The following SLC4A10 variants were observed in gnomAD, a reference collection of about 807,000 sequenced individuals.
The protein encoded by SLC4A10 is solute carrier family 4 member 10, also known as sodium-driven chloride bicarbonate exchanger.
A neutral mutation model predicts 137.7 loss-of-function variants in SLC4A10; 42 were observed. The ratio of observed to expected loss-of-function variants is 0.30; its 90% CI spans 0.24 to 0.39. The LOEUF (loss-of-function observed/expected upper bound fraction) is 0.39. Ranked by LOEUF, SLC4A10 falls within the 10% of genes least tolerant of loss-of-function variation. The pLI, the probability that SLC4A10 is intolerant of heterozygous loss-of-function variation, is 1.00. For missense variants in SLC4A10, 925 were observed against 1,355.0 expected (o/e 0.68, Z 4.98); for synonymous variants, 474 against 464.1 (o/e 1.02, Z -0.27).
chr2:161,838,080 A>T (rs879740545), intron 3 of SLC4A10, among the ~76,000 whole-genome samples: 2 of 152,218 alleles, frequency 1.3e-5, no homozygotes, highest in Admixed American at 1.3e-4. Flanking sequence ...GTACTTTGTT[A>T]TAGTATCCTG....
At chr2:161,651,891 A>T in intron 1 of SLC4A10, among the ~76,000 whole-genome samples, 1 of 152,182 alleles carries the variant, frequency 6.6e-6, no homozygotes, top group East Asian at 1.9e-4. Flanking sequence ...AGTGGGCAGA[A>T]TGATCCCAGT....
chr2:161,893,657 GC>G (rs1428745069), intron 10 of SLC4A10, among the ~76,000 whole-genome samples: 1 of 151,914 alleles, frequency 6.6e-6, no homozygotes, highest in African/African-American at 2.4e-5. Context: ...GTATGACTGT[GC>G]CACTGCATTC....
chr2:161,646,923 G>A (rs1282399440), intron 1 of SLC4A10, among the ~76,000 whole-genome samples: 2 of 151,892 alleles, frequency 1.3e-5, no homozygotes, highest in Non-Finnish European at 2.9e-5. Context: ...CATTATCTTA[G>A]TTACGAAGAG....
chr2:161,778,353 C>A (rs187652892), intron 2 of SLC4A10, among the ~76,000 whole-genome samples: 1 of 151,868 alleles, frequency 6.6e-6, no homozygotes, highest in East Asian at 1.9e-4. Flanking sequence ...AAGTTTATGC[C>A]TTTTCTTATA....
chr2:161,949,184 A>G lies in SLC4A10; in HGVS notation c.2302A>G (p.Thr768Ala), dbSNP rs1163548812. ...AGTGAGTGACTTTGCTGTCTTTCTT[A>G]CAATTCTGTGTATGGTTTTAATTGA... ...SIVSDFAVFLTILCMVLIDYA... is the reference protein window; with the variant it reads ...SIVSDFAVFLAILCMVLIDYA... The change falls in exon 18 of 27, where the codon ACA becomes GCA. Residue 768 changes from threonine to alanine, a missense_variant. By Grantham distance (58) the Thr-to-Ala change is moderately conservative (BLOSUM62 0). Coordinates refer to ENST00000446997, the MANE Select transcript of SLC4A10 (RefSeq NM_001178015.2). The G allele has an allele frequency of 1.2e-6, 2 of 1,610,998 alleles. No homozygotes were observed. Among genetic ancestry groups the G allele is most frequent in the African/African-American group, 2.7e-5 (2 of 74,752 alleles).
chr2:161,863,199 G>A (rs2060533115), intron 6 of SLC4A10, 137 bp downstream of exon 6: 4 of 817,932 alleles, frequency 4.9e-6, no homozygotes, highest in African/African-American at 1.7e-5. Context: ...CTTTTCACAT[G>A]AGTATATATT....
intron 3 of SLC4A10, among the ~76,000 whole-genome samples, chr2:161,835,691 G>A (rs890685724): frequency 6.6e-6 from 1 of 152,154 alleles, no homozygotes; most frequent in Non-Finnish European, 1.5e-5. Context: ...ATGGACTAAC[G>A]TTTTTATGGA....
chr2:161,951,242 C>T (rs1694752780), intron 19 of SLC4A10, among the ~76,000 whole-genome samples: 1 of 152,136 alleles, frequency 6.6e-6, no homozygotes, highest in African/African-American at 2.4e-5. Context: ...AATTCATTAT[C>T]AGAATAAATT....
intron 1 of SLC4A10, among the ~76,000 whole-genome samples, chr2:161,728,082 T>C (rs1189914888): frequency 6.6e-6 from 1 of 152,170 alleles, no homozygotes; most frequent in Non-Finnish European, 1.5e-5. Flanking sequence ...AATATTACTA[T>C]AGACTCTCCA....
At chr2:161,888,299 A>G (rs2126005347) in intron 10 of SLC4A10, among the ~76,000 whole-genome samples, 1 of 152,216 alleles carries the variant, frequency 6.6e-6, no homozygotes, top group East Asian at 1.9e-4. Flanking sequence ...TCCATATGAA[A>G]TTTAAAGTCG....
chr2:161,711,357 G>A (rs1174229215), intron 1 of SLC4A10, among the ~76,000 whole-genome samples: 1 of 151,720 alleles, frequency 6.6e-6, no homozygotes, highest in Admixed American at 6.6e-5. Flanking sequence ...GATAAAACTT[G>A]GAAATAAAGA....
chr2:161,660,006 A>G, intron 1 of SLC4A10, among the ~76,000 whole-genome samples: 1 of 146,972 alleles, frequency 6.8e-6, no homozygotes, highest in East Asian at 2.1e-4. Flanking sequence ...AGAGGGGATG[A>G]GGGTTGGAGG....
intron 23 of SLC4A10, among the ~76,000 whole-genome samples, chr2:161,971,094 T>A (rs899343735): frequency 1.3e-5 from 2 of 152,276 alleles, no homozygotes; most frequent in Non-Finnish European, 2.9e-5. Flanking sequence ...GTTTATAGCT[T>A]TCTTTTCATT....
chr2:161,652,715 C>G (rs2105601094), intron 1 of SLC4A10, among the ~76,000 whole-genome samples: 1 of 151,702 alleles, frequency 6.6e-6, no homozygotes, highest in South Asian at 2.1e-4. Flanking sequence ...GTTTGCATAA[C>G]TGAGATTTTA....
intron 15 of SLC4A10, among the ~76,000 whole-genome samples, chr2:161,926,560 TTA>T (rs1429555252): frequency 1.3e-5 from 2 of 148,946 alleles, no homozygotes; most frequent in African/African-American, 4.9e-5. Flanking sequence ...CCATTTACCT[TTA>T]AGGTTAATAT....
At chr2:161,924,660 GGTAACTAAC>G (rs1355767491) in intron 15 of SLC4A10, among the ~76,000 whole-genome samples, 1 of 152,066 alleles carries the variant, frequency 6.6e-6, no homozygotes, top group Non-Finnish European at 1.5e-5. Context: ...GAGGCACGTA[GGTAACTAAC>G]GTCCACTTGT....
intron 5 of SLC4A10, among the ~76,000 whole-genome samples, chr2:161,859,380 T>C (rs1434786130): frequency 6.7e-6 from 1 of 149,970 alleles, no homozygotes; most frequent in Non-Finnish European, 1.5e-5. Context: ...AGCCTCCGCC[T>C]CCTGGGTTCA....
chr2:161,724,292 T>C (rs773969864), intron 1 of SLC4A10, among the ~76,000 whole-genome samples: 1 of 152,174 alleles, frequency 6.6e-6, no homozygotes, highest in Non-Finnish European at 1.5e-5. Flanking sequence ...ATTGAAAGGC[T>C]CACCATTACT....
At position 161,694,274 on chromosome 2, in the gene SLC4A10, A is replaced by T. The variant is rs141497714; in HGVS notation, c.48+69708A>T. On this transcript the variant is annotated intron_variant, in intron 1 of 26. Transcript: ENST00000446997. ...CATTAATTAAGACAAGGATTGAGACACCTTAACTCCCTCAAAACTTGCATG... is the reference window on the plus strand; with the variant it reads ...CATTAATTAAGACAAGGATTGAGACTCCTTAACTCCCTCAAAACTTGCATG... Among the ~76,000 whole-genome samples the T allele has an allele frequency of 2.3e-3, 343 of 152,092 alleles. 6 individuals carry two copies. The highest frequency in any genetic ancestry group is 4.4e-4 in the Non-Finnish European group (30 of 67,896).
Sources: allele counts gnomAD v4.1 joint callset (sites outside exome capture counted in the v4.1 genomes callset), GRCh38; gene constraint gnomAD v4.1.1; transcripts MANE v1.5; gene names NCBI Gene and HGNC (gene_info 2026-07-23, HGNC 2026-07-21).